KCNMA1: variants seen among roughly 807,000 people sequenced by gnomAD.
The protein encoded by KCNMA1 is potassium calcium-activated channel subfamily M alpha 1.
Under a neutral mutation model 140.0 loss-of-function variants are expected in KCNMA1, and 29 were observed. That is an observed-to-expected ratio of 0.21 (90% confidence interval 0.15 to 0.28). KCNMA1 has a LOEUF of 0.28. Ranked by LOEUF, KCNMA1 falls within the 10% of genes least tolerant of loss-of-function variation. The pLI, the probability that KCNMA1 is intolerant of heterozygous loss-of-function variation, is 1.00. For synonymous variants in KCNMA1, 612 were observed against 611.9 expected (o/e 1.00, Z 0.00); for missense variants, 880 against 1,602.2 (o/e 0.55, Z 7.70).
intron 1 of KCNMA1, among the ~76,000 whole-genome samples, chr10:77,512,188 G>A (rs1229591508): frequency 3.3e-5 from 5 of 152,204 alleles, no homozygotes; most frequent in African/African-American, 4.8e-5. Flanking sequence ...TTCTCTGGAC[G>A]TGAAGAAAGG....
intron 2 of KCNMA1, among the ~76,000 whole-genome samples, chr10:77,294,357 G>A (rs901026335): frequency 3.9e-5 from 6 of 152,202 alleles, no homozygotes; most frequent in African/African-American, 1.4e-4. Flanking sequence ...GATGTCCCCA[G>A]AGCTATTAGT....
chr10:77,025,281 T>TATATATAC (rs1394239548), intron 16 of KCNMA1, among the ~76,000 whole-genome samples: 27 of 122,294 alleles, frequency 2.2e-4, no homozygotes, highest in Admixed American at 2.6e-4. Flanking sequence ...TATATATATA[T>TATATATAC]ACACACACAC....
At chr10:77,237,752 G>A (rs886742773) in intron 3 of KCNMA1, among the ~76,000 whole-genome samples, 11 of 152,102 alleles carry the variant, frequency 7.2e-5, no homozygotes, top group Admixed American at 3.3e-4. Flanking sequence ...TTCATTCCCC[G>A]CCAGAGCTGC....
At chr10:77,465,712 T>C (rs901034364) in intron 1 of KCNMA1, among the ~76,000 whole-genome samples, 2 of 152,122 alleles carry the variant, frequency 1.3e-5, no homozygotes, top group African/African-American at 4.8e-5. Context: ...GAAAAACTGG[T>C]CGAGGGGTAG....
chr10:77,097,395 C>T (rs2096960778), intron 9 of KCNMA1, among the ~76,000 whole-genome samples: 1 of 152,154 alleles, frequency 6.6e-6, no homozygotes, highest in Non-Finnish European at 1.5e-5. Flanking sequence ...CTCCACCCTA[C>T]CCCAGGACCT....
intron 25 of KCNMA1, among the ~76,000 whole-genome samples, chr10:76,907,600 G>A (rs763605426): frequency 3.3e-5 from 5 of 152,150 alleles, no homozygotes; most frequent in African/African-American, 4.8e-5. Flanking sequence ...GTGCAGTGGC[G>A]CTATATCATC....
chr10:77,289,521 CTT>C (rs1174746986), intron 2 of KCNMA1, among the ~76,000 whole-genome samples: 1 of 152,212 alleles, frequency 6.6e-6, no homozygotes, highest in Non-Finnish European at 1.5e-5. Flanking sequence ...ACCAACTTCT[CTT>C]TTAAAGAACC....
chr10:77,521,673 A>G (rs1383369614), intron 1 of KCNMA1, among the ~76,000 whole-genome samples: 1 of 152,210 alleles, frequency 6.6e-6, no homozygotes, highest in African/African-American at 2.4e-5. Context: ...GGCATTATCA[A>G]TATTTATTTT....
At chr10:77,116,340 C>G (rs190907794) in intron 6 of KCNMA1, among the ~76,000 whole-genome samples, 7 of 152,210 alleles carry the variant, frequency 4.6e-5, no homozygotes, top group Admixed American at 4.6e-4. Context: ...GTGGATGCTG[C>G]AAGAGAAGGT....
intron 3 of KCNMA1, among the ~76,000 whole-genome samples, chr10:77,230,004 G>A (rs987638583): frequency 6.6e-6 from 1 of 152,080 alleles, no homozygotes; most frequent in African/African-American, 2.4e-5. Flanking sequence ...GTTTATTGGA[G>A]CATTATTCAC....
intron 18 of KCNMA1, among the ~76,000 whole-genome samples, chr10:77,002,985 T>C (rs959163923): frequency 3.3e-5 from 5 of 152,222 alleles, no homozygotes; most frequent in African/African-American, 1.2e-4. Context: ...AAAATATGGC[T>C]TGTGGTTTTG....
In KCNMA1 at chr10:77,284,527, T is replaced by C. The variant is rs115573574; in HGVS notation, c.541-33271A>G. On this transcript the variant is annotated intron_variant, in intron 2 of 27. Coordinates refer to ENST00000286628, the MANE Select transcript of KCNMA1 (RefSeq NM_001161352.2). ...TTGTTGTTATTATTATTATTATTAT[T>C]GCTCAAGATGGTGTCTCTCTATGTT... Among the ~76,000 whole-genome samples, 942 of 152,224 alleles carry C rather than the reference T, an allele frequency of 6.2e-3. 9 individuals are homozygous for C. Among genetic ancestry groups the C allele is most frequent in the African/African-American group, 0.021 (890 of 41,532 alleles).
chr10:77,551,978 A>G (rs2062970992), intron 1 of KCNMA1, among the ~76,000 whole-genome samples: 1 of 152,118 alleles, frequency 6.6e-6, no homozygotes. Context: ...TGTCAGTGAC[A>G]GAGAGGCTCA....
At chr10:76,877,028 C>A (rs2032518929), downstream of KCNMA1, 1 of 152,746 alleles carries the variant, frequency 6.5e-6, no homozygotes, top group Non-Finnish European at 1.5e-5. Context: ...CAAACCTGAT[C>A]TGCCAATTGT....
rs2036437253 is a variant in KCNMA1 at position 76,885,389 on chromosome 10, C to T, written c.*1877G>A. On this transcript the variant is annotated 3_prime_UTR_variant, in exon 28 of 28. Transcript: ENST00000286628. ...TATACAATTATTCCCCACCACAATA[C>T]TGGTTTGAATACTACGCTGCCCCTG... 20 of 985,022 alleles carry T rather than the reference C, an allele frequency of 2.0e-5. No individual in the cohort carries two copies. Among genetic ancestry groups the T allele is most frequent in the Non-Finnish European group, 2.3e-5 (19 of 829,750 alleles). The allele number at this position is 985,022 out of a possible 1,614,324, so 61.0% of individuals were successfully genotyped here.
intron 1 of KCNMA1, among the ~76,000 whole-genome samples, chr10:77,419,865 T>C (rs2154484453): frequency 6.6e-6 from 1 of 152,236 alleles, no homozygotes; most frequent in Non-Finnish European, 1.5e-5. Context: ...AAGTCATTGG[T>C]CCCAGTGGCC....
intron 1 of KCNMA1, among the ~76,000 whole-genome samples, chr10:77,517,106 G>T (rs1420667557): frequency 6.6e-6 from 1 of 152,156 alleles, no homozygotes; most frequent in East Asian, 1.9e-4. Context: ...AAAGGTGCTG[G>T]TGCTTTTTCT....
At chr10:76,961,382 G>T (rs1359969446) in intron 20 of KCNMA1, among the ~76,000 whole-genome samples, 36 of 152,164 alleles carry the variant, frequency 2.4e-4, no homozygotes, top group Admixed American at 2.4e-3. Context: ...CATATGAGGA[G>T]TTGCTTCTTA....
intron 1 of KCNMA1, among the ~76,000 whole-genome samples, chr10:77,472,625 T>A (rs1036844949): frequency 2.6e-5 from 4 of 152,260 alleles, no homozygotes; most frequent in Non-Finnish European, 2.9e-5. Context: ...CCTACCATGA[T>A]AGCTCCTATA....
Sources: gnomAD v4.1 joint callset for allele counts (sites outside exome capture counted in the v4.1 genomes callset) on GRCh38, gnomAD v4.1.1 for gene constraint, MANE v1.5 for transcripts, NCBI Gene and HGNC (gene_info 2026-07-23, HGNC 2026-07-21) for gene names.